Variants in SPTSSB observed in about 807,000 individuals in gnomAD.
SPTSSB encodes serine palmitoyltransferase small subunit B, also known as androgen down regulated in mouse prostate.
In SPTSSB, 6 loss-of-function variants were observed where a neutral mutation model predicts 7.7. That is an observed-to-expected ratio of 0.78 (90% CI 0.43 to 1.54). SPTSSB has a LOEUF of 1.54. SPTSSB is among the 40% of genes most tolerant of loss of function. The pLI is 0.01. For synonymous variants in SPTSSB, 28 were observed against 29.7 expected (o/e 0.94, Z 0.19); for missense variants, 91 against 93.0 (o/e 0.98, Z 0.09).
intron 1 of SPTSSB, among the ~76,000 whole-genome samples, chr3:161,370,699 C>T (rs1343444783): frequency 6.6e-6 from 1 of 152,182 alleles, no homozygotes; most frequent in Non-Finnish European, 1.5e-5. Flanking sequence ...TCTTCAAACT[C>T]CTTATGTGAT....
intron 1 of SPTSSB, among the ~76,000 whole-genome samples, chr3:161,361,142 T>C (rs1261874583): frequency 2.0e-5 from 3 of 152,096 alleles, no homozygotes; most frequent in Non-Finnish European, 4.4e-5. Flanking sequence ...GTCATGGAAG[T>C]CTTAAAAGAT....
chr3:161,356,867 C>T (rs988520141), intron 2 of SPTSSB, among the ~76,000 whole-genome samples: 1 of 151,952 alleles, frequency 6.6e-6, no homozygotes, highest in Non-Finnish European at 1.5e-5. Flanking sequence ...TGGTAATCCT[C>T]GCACTTTGAG....
At position 161,355,351 on chromosome 3, in the gene SPTSSB, A is replaced by G. The variant is rs923438482; in HGVS notation, c.-33+4451T>C. Among the ~76,000 whole-genome samples, 6 of 152,234 alleles carry G rather than the reference A, an allele frequency of 3.9e-5. No homozygotes were observed. The East Asian group carries it at 1.2e-3, about 29-fold the overall frequency. ...AAAGTGAACAAACTGCAACATTAAC[A>G]ATGGCATTAAAGCCACCAAAAGTTG... On this transcript the variant is annotated intron_variant, in intron 2 of 2. Transcript: ENST00000620149.
At chr3:161,347,138 A>G (rs62279920) in intron 2 of SPTSSB, among the ~76,000 whole-genome samples, 6,416 of 152,320 alleles carry the variant, frequency 0.042, 164 homozygotes, top group African/African-American at 0.062. Flanking sequence ...TTACTGTTTC[A>G]GAATCAACAG....
At chr3:161,356,632 G>T (rs867874303) in intron 2 of SPTSSB, among the ~76,000 whole-genome samples, 2 of 152,200 alleles carry the variant, frequency 1.3e-5, no homozygotes, top group African/African-American at 4.8e-5. Context: ...ATATTTATCT[G>T]TCTCTCCCAC....
chr3:161,359,955 C>T (rs903171223), intron 1 of SPTSSB, 61 bp from the exon 2 acceptor site: 1 of 209,514 alleles, frequency 4.8e-6, no homozygotes, highest in Non-Finnish European at 8.3e-6. Flanking sequence ...TAAAACCATT[C>T]TGTCCCATGT....
intron 1 of SPTSSB, among the ~76,000 whole-genome samples, chr3:161,362,293 C>T (rs974016766): frequency 1.3e-5 from 2 of 152,028 alleles, no homozygotes; most frequent in African/African-American, 4.8e-5. Context: ...CACATGAGAT[C>T]CTGTTCTCTC....
chr3:161,353,098 C>T (rs183565624), intron 2 of SPTSSB, among the ~76,000 whole-genome samples: 27 of 152,162 alleles, frequency 1.8e-4, no homozygotes, highest in African/African-American at 6.5e-4. Context: ...TGGGTAAATT[C>T]CAAAATCTTC....
chr3:161,354,266 G>T (rs336570), intron 2 of SPTSSB, among the ~76,000 whole-genome samples: 1 of 152,062 alleles, frequency 6.6e-6, no homozygotes. Context: ...AGTTCAGTCA[G>T]GTTGTTGTTG....
At chr3:161,364,810 T>A (rs1715153580) in intron 1 of SPTSSB, among the ~76,000 whole-genome samples, 1 of 152,192 alleles carries the variant, frequency 6.6e-6, no homozygotes, top group African/African-American at 2.4e-5. Context: ...TGGCTATATA[T>A]GGGGAATGTA....
intron 2 of SPTSSB, among the ~76,000 whole-genome samples, chr3:161,348,302 C>CAAAACAAAAT (rs1215352093): frequency 1.0e-5 from 1 of 95,446 alleles, no homozygotes; most frequent in African/African-American, 5.5e-5. Context: ...CAAAACAAAA[C>CAAAACAAAAT]ACTCTAAATT....
intron 1 of SPTSSB, among the ~76,000 whole-genome samples, chr3:161,364,239 C>A (rs564059107): frequency 3.9e-5 from 6 of 152,270 alleles, no homozygotes; most frequent in Non-Finnish European, 8.8e-5. Context: ...TTGATCAGGA[C>A]AGCTTCTATT....
At chr3:161,352,370 A>G (rs897588379) in intron 2 of SPTSSB, among the ~76,000 whole-genome samples, 15 of 152,164 alleles carry the variant, frequency 9.9e-5, no homozygotes, top group African/African-American at 3.6e-4. Flanking sequence ...TTGCTTAAAG[A>G]AGCTATTTTA....
chr3:161,350,757 G>A (rs1009290496), intron 2 of SPTSSB, among the ~76,000 whole-genome samples: 69 of 152,294 alleles, frequency 4.5e-4, no homozygotes, highest in African/African-American at 1.6e-3. Context: ...AACACAGTAT[G>A]GAAGGGGGGA....
chr3:161,359,263 AT>A (rs1374889636), intron 2 of SPTSSB: 1 of 152,134 alleles, frequency 6.6e-6, no homozygotes, highest in Non-Finnish European at 1.5e-5. Context: ...TTTTCTCTTA[AT>A]TTGTCTGATC....
chr3:161,370,993 T>G (rs1280034610), intron 1 of SPTSSB, among the ~76,000 whole-genome samples: 1 of 152,212 alleles, frequency 6.6e-6, no homozygotes, highest in Non-Finnish European at 1.5e-5. Context: ...CTTCACTTTT[T>G]GGCAGGTGAC....
chr3:161,356,779 C>G (rs1172254236), intron 2 of SPTSSB, among the ~76,000 whole-genome samples: 1 of 152,102 alleles, frequency 6.6e-6, no homozygotes, highest in African/African-American at 2.4e-5. Context: ...TAGCCTGCTG[C>G]CCTTTCATTG....
At chr3:161,370,116 C>A (rs920814225) in intron 1 of SPTSSB, among the ~76,000 whole-genome samples, 4 of 152,096 alleles carry the variant, frequency 2.6e-5, no homozygotes, top group Non-Finnish European at 4.4e-5. Context: ...AGTGGCAAAA[C>A]TCTCTTTATA....
At chr3:161,364,622 C>A (rs1312923540) in intron 1 of SPTSSB, among the ~76,000 whole-genome samples, 1 of 151,964 alleles carries the variant, frequency 6.6e-6, no homozygotes, top group Non-Finnish European at 1.5e-5. Flanking sequence ...GATAATACAA[C>A]ACCCTTAGGT....
Sources: gnomAD v4.1 joint callset for allele counts (sites outside exome capture counted in the v4.1 genomes callset) on GRCh38, gnomAD v4.1.1 for gene constraint, MANE v1.5 for transcripts, NCBI Gene and HGNC (gene_info 2026-07-23, HGNC 2026-07-21) for gene names.